Variants in PUDP observed in about 807,000 individuals in gnomAD.
PUDP encodes pseudouridine-5'-phosphatase.
PUDP carries 8 observed loss-of-function variants against 9.4 expected under a neutral mutation model. The observed-to-expected ratio is 0.85, with a 90% CI of 0.50 to 1.53. PUDP has a LOEUF of 1.53. Among genes scored for constraint, PUDP ranks in the 40% most tolerant of loss-of-function variants. The pLI is 0.00. For missense variants in PUDP, 188 were observed against 189.7 expected (o/e 0.99, Z 0.05); for synonymous variants, 99 against 80.7 (o/e 1.23, Z -1.22).
chrX:6,892,376 G>A (rs988143464), intron 3 of PUDP, among the ~76,000 whole-genome samples: 1 of 111,152 alleles, frequency 9.0e-6, no homozygotes, highest in Non-Finnish European at 1.9e-5. Flanking sequence ...GAAAAAAGAG[G>A]TTTAATGGAC....
intron 1 of PUDP, among the ~76,000 whole-genome samples, chrX:7,005,381 T>C (rs1025625353): frequency 9.1e-6 from 1 of 110,094 alleles, no homozygotes; most frequent in African/African-American, 3.3e-5. Flanking sequence ...TATTATAAAA[T>C]ACACATCAAA....
intron 3 of PUDP, among the ~76,000 whole-genome samples, chrX:6,752,941 G>A (rs1004534470): frequency 5.4e-5 from 6 of 111,585 alleles, no homozygotes; most frequent in Admixed American, 9.5e-5. Context: ...CATATAGATA[G>A]AAATACAATT....
intron 3 of PUDP, among the ~76,000 whole-genome samples, chrX:6,939,312 A>G (rs1284761778): frequency 9.3e-6 from 1 of 107,274 alleles, no homozygotes; most frequent in Non-Finnish European, 1.9e-5. Context: ...TTATTCATCT[A>G]TTTAATAATT....
At chrX:6,987,592 G>A (rs1234199184) in intron 1 of PUDP, among the ~76,000 whole-genome samples, 1 of 112,139 alleles carries the variant, frequency 8.9e-6, no homozygotes, top group Non-Finnish European at 1.9e-5. Flanking sequence ...TGTTCTAAAT[G>A]GGGGTCGGCA....
At chrX:6,786,774 C>T (rs192449831) in intron 3 of PUDP, among the ~76,000 whole-genome samples, 13 of 112,146 alleles carry the variant, frequency 1.2e-4, no homozygotes, top group Admixed American at 1.1e-3. Flanking sequence ...ATCCATCATA[C>T]CCCTGGTATT....
intron 2 of PUDP, among the ~76,000 whole-genome samples, chrX:7,096,252 TA>T (rs1931568531): frequency 8.9e-6 from 1 of 112,017 alleles, no homozygotes; most frequent in Non-Finnish European, 1.9e-5. Context: ...TCTGTCCCAT[TA>T]ATCTATAGGT....
downstream of PUDP, among the ~76,000 whole-genome samples, chrX:7,045,566 A>G (rs1929973440): frequency 8.9e-6 from 1 of 112,177 alleles, no homozygotes; most frequent in African/African-American, 3.2e-5. Context: ...ATGCCTGGGC[A>G]TGACTTCCTG....
intron 3 of PUDP, among the ~76,000 whole-genome samples, chrX:6,843,242 T>C (rs1452246747): frequency 8.9e-6 from 1 of 112,270 alleles, no homozygotes; most frequent in Non-Finnish European, 1.9e-5. Context: ...ATGGACTTTA[T>C]CCTCCTGGAG....
intron 2 of PUDP, chrX:7,085,578 G>GTA (rs1413442503): frequency 8.9e-6 from 1 of 112,498 alleles, no homozygotes; most frequent in Non-Finnish European, 1.9e-5. Context: ...GGTAAGCTGT[G>GTA]TAGGTCAGGT....
At chrX:6,942,971 A>G (rs1928418257) in intron 3 of PUDP, among the ~76,000 whole-genome samples, 1 of 112,416 alleles carries the variant, frequency 8.9e-6, no homozygotes, top group South Asian at 3.7e-4. Context: ...ACTGTGAGAG[A>G]ATAAATTTCC....
At chrX:7,132,501 G>A (rs1932647213) in intron 1 of PUDP, among the ~76,000 whole-genome samples, 1 of 111,483 alleles carries the variant, frequency 9.0e-6, no homozygotes, top group South Asian at 3.7e-4. Flanking sequence ...CAGCACAACT[G>A]GTTTAACAAG....
intron 3 of PUDP, among the ~76,000 whole-genome samples, chrX:6,860,198 T>C (rs1926975731): frequency 9.0e-6 from 1 of 111,491 alleles, no homozygotes; most frequent in Non-Finnish European, 1.9e-5. Flanking sequence ...CCCAGGCTGA[T>C]CTCAAACTCC....
intron 3 of PUDP, among the ~76,000 whole-genome samples, chrX:6,906,537 G>A (rs1025367692): frequency 8.9e-6 from 1 of 112,156 alleles, no homozygotes; most frequent in African/African-American, 3.2e-5. Flanking sequence ...ATCATCTACT[G>A]GCAGAGCGAA....
At chrX:6,738,095 C>G (rs1193242246) in intron 3 of PUDP, among the ~76,000 whole-genome samples, 1 of 111,440 alleles carries the variant, frequency 9.0e-6, no homozygotes, top group East Asian at 2.8e-4. Context: ...ACAATGCTAG[C>G]AGATGCAGGT....
chrX:6,873,445 C>G (rs1927205687), intron 3 of PUDP, among the ~76,000 whole-genome samples: 1 of 112,040 alleles, frequency 8.9e-6, no homozygotes, highest in African/African-American at 3.2e-5. Flanking sequence ...ACCATTCATT[C>G]ATAATGAAAC....
At chrX:7,043,633 T>C (rs1929950209) in intron 1 of PUDP, among the ~76,000 whole-genome samples, 1 of 111,803 alleles carries the variant, frequency 8.9e-6, no homozygotes. Context: ...ATCTGAGAAC[T>C]TCATCAGGAC....
intron 3 of PUDP, among the ~76,000 whole-genome samples, chrX:6,915,888 G>T (rs1203330370): frequency 3.6e-5 from 4 of 110,818 alleles, no homozygotes; most frequent in Non-Finnish European, 7.5e-5. Context: ...ATTAATATCA[G>T]AACAGAAGGA....
At chrX:6,866,303 G>A (rs747384134) in intron 3 of PUDP, among the ~76,000 whole-genome samples, 1 of 107,337 alleles carries the variant, frequency 9.3e-6, no homozygotes, top group African/African-American at 3.4e-5. Context: ...ATGCAAGATA[G>A]TATACGGTTG....
chrX:6,938,515 G>A (rs1928346074), intron 3 of PUDP, among the ~76,000 whole-genome samples: 1 of 89,676 alleles, frequency 1.1e-5, no homozygotes, highest in Non-Finnish European at 2.2e-5. Context: ...GATAGCATCG[G>A]GAGATATACC....
Sources: allele counts gnomAD v4.1 joint callset (sites outside exome capture counted in the v4.1 genomes callset), GRCh38; gene constraint gnomAD v4.1.1; transcripts MANE v1.5; gene names NCBI Gene and HGNC (gene_info 2026-07-23, HGNC 2026-07-21).